The following UNK variants were observed in gnomAD, a reference collection of about 807,000 sequenced individuals.
The protein encoded by UNK is unk zinc finger.
In UNK, 32 loss-of-function variants were observed where a neutral mutation model predicts 97.6. That is an observed-to-expected ratio of 0.33 (90% CI 0.25 to 0.44). UNK has a LOEUF of 0.44. UNK is among the 20% of genes least tolerant of loss of function. The pLI is 1.00. For missense variants in UNK, 771 were observed against 1,098.4 expected (o/e 0.70, Z 4.21); for synonymous variants, 441 against 461.2 (o/e 0.96, Z 0.56).
At chr17:75,791,521 A>G (rs1442788900) in intron 1 of UNK, among the ~76,000 whole-genome samples, 7 of 152,362 alleles carry the variant, frequency 4.6e-5, no homozygotes, top group South Asian at 2.1e-4. Flanking sequence ...AACGAGCTAC[A>G]TTACCAATAA....
chr17:75,822,267 A>G (rs2062075855), intron 13 of UNK, among the ~76,000 whole-genome samples: 1 of 152,194 alleles, frequency 6.6e-6, no homozygotes, highest in African/African-American at 2.4e-5. Context: ...ACCAACTAGC[A>G]GGTGTCACTC....
At position 75,813,091 on chromosome 17, in the gene UNK, G is replaced by A; in HGVS notation, c.636G>A (p.Val212=). 1 of 1,587,394 alleles carries A rather than the reference G, an allele frequency of 6.3e-7. No homozygotes were observed. ...EEPRWQETAY[V]LGNYKTEPCK... Reference sequence around the variant, plus strand: ...CCCCCTGTGCAGAGACTGCTTATGTGCTGGGGAACTATAAGACGGAGCCTT... The same window carrying A: ...CCCCCTGTGCAGAGACTGCTTATGTACTGGGGAACTATAAGACGGAGCCTT... The change falls in exon 5 of 16, where the codon GTG becomes GTA. Residue 212 remains valine, a synonymous_variant. Transcript: ENST00000589666.
At position 75,818,887 on chromosome 17, in the gene UNK, G is replaced by T; in HGVS notation, c.1546+71G>T. ...TCAGAGACCCCCCAGTCTCTGAAGC[G>T]AGTCTCAAATCAGCACACCAGACCC... On this transcript the variant is annotated intron_variant, in intron 11 of 15. Transcript: ENST00000589666. This position sits in a 1 kb window ranked among gnomAD's most constrained non-coding sequence, Gnocchi z 5.1. 1.4e-6 allele frequency: 2 copies of T among 1,445,230 alleles called. No homozygotes were observed. The highest frequency in any genetic ancestry group is 1.8e-6 in the Non-Finnish European group (2 of 1,091,408). The allele number at this position is 1,445,230 out of a possible 1,614,324, so 89.5% of individuals were successfully genotyped here.
rs2061781098 is a variant in UNK, at chr17:75,793,665, T to C, written c.104+8681T>C. On this transcript the variant is annotated intron_variant, in intron 1 of 15. Coordinates refer to ENST00000589666, the MANE Select transcript of UNK (RefSeq NM_001080419.3). ...TTGAACTGTTTCCTCCCCTTCCTTA[T>C]TCTTTATTCACAGTTTGCTTTTCAT... is the stretch of plus-strand genomic sequence containing the variant. 10 of 984,078 alleles carry C rather than the reference T, an allele frequency of 1.0e-5. No individual in the cohort carries two copies. The South Asian group carries it at 4.7e-4, about 46-fold the overall frequency. 61.0% of individuals were successfully genotyped at this position (984,078 alleles called of 1,614,324 possible). A position where few individuals can be genotyped will look rare whatever the true frequency, so the allele number is the denominator to read the frequency against.
chr17:75,800,787 C>T (rs747449909), intron 1 of UNK, among the ~76,000 whole-genome samples: 8 of 152,008 alleles, frequency 5.3e-5, no homozygotes, highest in Admixed American at 3.3e-4. Flanking sequence ...TGCACTCATT[C>T]GTTTCTCTGT....
intron 1 of UNK, chr17:75,785,564 C>T (rs1193480140): frequency 6.6e-6 from 1 of 152,548 alleles, no homozygotes; most frequent in Non-Finnish European, 1.5e-5. Context: ...CCCTCGCGGG[C>T]TGTGCGGAGC....
At chr17:75,793,621 C>G (rs897274143) in intron 1 of UNK, 9 of 985,292 alleles carry the variant, frequency 9.1e-6, no homozygotes, top group Non-Finnish European at 1.1e-5. Flanking sequence ...ACAGTATCAT[C>G]AAGTCGTATC....
chr17:75,812,080 A>T, intron 2 of UNK, 32 bp from the exon 3 acceptor site: 1 of 1,557,288 alleles, frequency 6.4e-7, no homozygotes, highest in Non-Finnish European at 8.7e-7. Context: ...TGCAGGCAGC[A>T]AAGTTGAGTG....
intron 1 of UNK, among the ~76,000 whole-genome samples, chr17:75,795,030 G>A (rs2061793557): frequency 6.6e-6 from 1 of 152,016 alleles, no homozygotes; most frequent in Non-Finnish European, 1.5e-5. Flanking sequence ...AGTTCCTAGG[G>A]CACGCACGGG....
At chr17:75,788,699 C>T (rs72860367) in intron 1 of UNK, among the ~76,000 whole-genome samples, 3,998 of 147,552 alleles carry the variant, frequency 0.027, 72 homozygotes, top group Non-Finnish European at 0.042. Flanking sequence ...TTTTTGTCAC[C>T]CAGGTTGGTT....
At chr17:75,812,339 A>G (rs749278151) in intron 3 of UNK, 51 bp downstream of exon 3, 1 of 1,585,930 alleles carries the variant, frequency 6.3e-7, no homozygotes, top group East Asian at 2.2e-5. Flanking sequence ...GGTCCAGGGC[A>G]GGGGCCTGGC....
intron 4 of UNK, 100 bp downstream of exon 4, chr17:75,812,685 G>GC (rs1006665999): frequency 3.5e-5 from 52 of 1,483,538 alleles, no homozygotes; most frequent in African/African-American, 5.6e-5. Flanking sequence ...TCTAGCCGAG[G>GC]CCCCGACCTG....
chr17:75,790,911 G>A (rs1168992029), intron 1 of UNK, among the ~76,000 whole-genome samples: 2 of 152,016 alleles, frequency 1.3e-5, no homozygotes, highest in African/African-American at 4.8e-5. Flanking sequence ...CTACACTCCA[G>A]CCTGGGCAAC....
rs765901213 is a variant in UNK at position 75,784,824 on chromosome 17, G to A, written c.-57G>A. On this transcript the variant is annotated 5_prime_UTR_variant, in exon 1 of 16. Coordinates refer to ENST00000589666, the MANE Select transcript of UNK (RefSeq NM_001080419.3). ...CGCAGGCGCACTGGGTCCTCGGCGC[G>A]GACCGCGCAGACTGAATAATAAAAG... The A allele has an allele frequency of 1.3e-5, 20 of 1,571,716 alleles. No homozygotes were observed. The highest frequency in any genetic ancestry group is 2.2e-5 in the East Asian group (1 of 44,654).
chr17:75,789,670 A>C (rs1599356199), intron 1 of UNK, among the ~76,000 whole-genome samples: 1 of 152,148 alleles, frequency 6.6e-6, no homozygotes, highest in East Asian at 1.9e-4. Context: ...TTGTCTTTTA[A>C]TTTGACAAAT....
intron 6 of UNK, 58 bp from the exon 7 acceptor site, chr17:75,815,111 A>C: frequency 2.0e-6 from 3 of 1,521,860 alleles, no homozygotes; most frequent in Non-Finnish European, 2.7e-6. Context: ...GAGGAAGGGG[A>C]GCCTGCCCGG....
At chr17:75,811,302 A>ATT (rs2061967055) in intron 2 of UNK, among the ~76,000 whole-genome samples, 1 of 152,022 alleles carries the variant, frequency 6.6e-6, no homozygotes, top group Non-Finnish European at 1.5e-5. Context: ...GGATGTCTTC[A>ATT]TTGTGTTGCC....
chr17:75,795,905 A>C (rs1451350318), intron 1 of UNK, among the ~76,000 whole-genome samples: 1 of 152,214 alleles, frequency 6.6e-6, no homozygotes, highest in African/African-American at 2.4e-5. Flanking sequence ...AGAAAGTTCC[A>C]GTGAGCCCCA....
chr17:75,819,204 G>A lies in UNK; in HGVS notation c.1546+388G>A, dbSNP rs1013529430. 8.2e-5 allele frequency: 19 copies of A among 231,556 alleles called. No homozygotes were observed. The highest frequency in any genetic ancestry group is 5.9e-4 in the East Asian group (5 of 8,452). 14.3% of individuals were successfully genotyped at this position (231,556 alleles called of 1,614,324 possible). ...TTTCAGTACTCATTTCTAGGTGCCC[G>A]CTTTGTGCCAGGTCCTGTGGCAGGC... On this transcript the variant is annotated intron_variant, in intron 11 of 15. Transcript: ENST00000589666. The surrounding 1 kb of genome is among the most constrained non-coding windows in gnomAD (Gnocchi z 5.4).
Sources: gnomAD v4.1 joint callset for allele counts (sites outside exome capture counted in the v4.1 genomes callset) on GRCh38, gnomAD v4.1.1 for gene constraint, Gnocchi (gnomAD v3.1) non-coding constraint, MANE v1.5 for transcripts, NCBI Gene and HGNC (gene_info 2026-07-23, HGNC 2026-07-21) for gene names.